TTC19: variants seen among roughly 807,000 people sequenced by gnomAD.
TTC19 encodes the protein tetratricopeptide repeat domain 19.
Under a neutral mutation model 49.5 loss-of-function variants are expected in TTC19, and 38 were observed. The observed-to-expected ratio is 0.77, with a 90% CI of 0.59 to 1.01. The LOEUF (loss-of-function observed/expected upper bound fraction) is 1.01, where lower values mean the gene tolerates loss of function less well. Ranked by LOEUF, TTC19 falls within the 50% of genes least tolerant of loss-of-function variation. The pLI, the probability that TTC19 is intolerant of heterozygous loss-of-function variation, is 0.00. For synonymous variants in TTC19, 204 were observed against 185.2 expected (o/e 1.10, Z -0.83); for missense variants, 475 against 477.7 (o/e 0.99, Z 0.05).
At chr17:16,029,547 G>C (rs1394203603), downstream of TTC19, 7 of 227,970 alleles carry the variant, frequency 3.1e-5, no homozygotes, top group Non-Finnish European at 6.2e-5. Context: ...AAGAGTATTA[G>C]GAAGACCTTA....
At chr17:16,035,164 G>T (rs1315485747) in intron 2 of TTC19, among the ~76,000 whole-genome samples, 2 of 152,212 alleles carry the variant, frequency 1.3e-5, no homozygotes, top group African/African-American at 4.8e-5. Context: ...TTGCCTCCAT[G>T]TTGATGGCTG....
Position 16,038,229 on chromosome 17 carries a change from T to G in TTC19, c.248-6274T>G, listed in dbSNP as rs529314777. ...AGCACAAGAGATATTCTCAAAATAT[T>G]AAGAAAAAGGTTGTAAGATTAAAGC... On this transcript the variant is annotated intron_variant, in intron 2 of 2. Coordinates refer to the TTC19 transcript ENST00000470649. 3.9e-5 allele frequency among the ~76,000 whole-genome samples: 6 copies of G among 152,292 alleles called. No homozygotes were observed. In the South Asian group the frequency reaches 1.0e-3, roughly 26 times the overall value.
At chr17:16,026,798 A>G in intron 9 of TTC19, 96 bp downstream of exon 9, 1 of 1,250,230 alleles carries the variant, frequency 8.0e-7, no homozygotes, top group Non-Finnish European at 1.2e-6. Flanking sequence ...GGCAAGGGCC[A>G]ACGAATAAAC....
chr17:16,027,395 A>T lies in TTC19; in HGVS notation c.1016A>T (p.Glu339Val), dbSNP rs1341699963. ...TTAGAACGATATACACAAGCAAAAG[A>T]GATCTACCAGGAAGCACTGAAGCAA... Reference protein sequence around the residue: ...MHRERYTQAKEIYQEALKQAK... With the variant: ...MHRERYTQAKVIYQEALKQAK... The change falls in exon 10 of 10, where the codon GAG becomes GTG. Residue 339 changes from glutamate to valine, a missense_variant. Coordinates refer to ENST00000261647, the MANE Select transcript of TTC19 (RefSeq NM_017775.4). 6.2e-7 allele frequency: 1 copy of T among 1,614,016 alleles called. No homozygotes were observed. The highest frequency in any genetic ancestry group is 8.5e-7 in the Non-Finnish European group (1 of 1,179,962).
At chr17:16,013,786 T>G (rs1971142217) in intron 7 of TTC19, among the ~76,000 whole-genome samples, 1 of 152,264 alleles carries the variant, frequency 6.6e-6, no homozygotes, top group Non-Finnish European at 1.5e-5. Context: ...AATTATTTTG[T>G]CAAGTTCGTA....
At chr17:16,032,439 T>C, downstream of TTC19, 1 of 1,613,024 alleles carries the variant, frequency 6.2e-7, no homozygotes, top group Non-Finnish European at 8.5e-7. Flanking sequence ...GGAGTACTGC[T>C]GAGCATCCGC....
At chr17:16,003,331 A>G (rs887042344) in intron 4 of TTC19, among the ~76,000 whole-genome samples, 27 of 152,128 alleles carry the variant, frequency 1.8e-4, no homozygotes, top group Admixed American at 1.6e-3. Flanking sequence ...GCTGACTGCA[A>G]CCTCGACCTG....
intron 7 of TTC19, among the ~76,000 whole-genome samples, chr17:16,013,438 T>C (rs1971133598): frequency 6.6e-6 from 1 of 152,226 alleles, no homozygotes; most frequent in Non-Finnish European, 1.5e-5. Flanking sequence ...GAGAGATATT[T>C]TTCAAGCTTT....
intron 2 of TTC19, among the ~76,000 whole-genome samples, chr17:16,036,772 G>A (rs1330684539): frequency 6.6e-6 from 1 of 152,180 alleles, no homozygotes; most frequent in Non-Finnish European, 1.5e-5. Context: ...TTTGGCTTAA[G>A]GGAATGTTGT....
chr17:16,028,844 AAACTTTCT>A lies in TTC19; in HGVS notation c.*1323_*1330del. The A allele has an allele frequency of 2.6e-6, 1 of 377,904 alleles. No individual in the cohort carries two copies. The highest frequency in any genetic ancestry group is 1.9e-5 in the South Asian group (1 of 51,786). The allele number at this position is 377,904 out of a possible 1,614,324, so 23.4% of individuals were successfully genotyped here. A position where few individuals can be genotyped will look rare whatever the true frequency, so the allele number is the denominator to read the frequency against. ...AAAAAAAAAAAAAAAAAAAAAAAAA[AAACTTTCT>A]GAAGAAAATAAAAACACCAGAAACC... On this transcript the variant is annotated 3_prime_UTR_variant, in exon 10 of 10. Coordinates refer to ENST00000261647, the MANE Select transcript of TTC19 (RefSeq NM_017775.4).
At chr17:16,039,851 CGCGATCTTGGCTCACT>C in intron 2 of TTC19, 1 of 532,166 alleles carries the variant, frequency 1.9e-6, no homozygotes, top group East Asian at 3.4e-5. Context: ...AGTGCAGTGG[CGCGATCTTGGCTCACT>C]GCAACCTCCG....
At chr17:16,001,841 G>A in intron 2 of TTC19, 74 bp from the exon 3 acceptor site, 1 of 983,010 alleles carries the variant, frequency 1.0e-6, no homozygotes, top group Non-Finnish European at 1.6e-6. Context: ...ATGTACAGTT[G>A]CATACACTTC....
intron 7 of TTC19, among the ~76,000 whole-genome samples, chr17:16,019,087 C>G (rs1971295289): frequency 6.6e-6 from 1 of 152,154 alleles, no homozygotes; most frequent in Non-Finnish European, 1.5e-5. Context: ...AATCCCAGCA[C>G]TTTGAGAAGC....
At chr17:16,044,755 CT>C (rs2058376562) in exon 3 of TTC19, 2 of 838,346 alleles carry the variant, frequency 2.4e-6, no homozygotes, top group Admixed American at 3.4e-5. Context: ...TTTGGTCCAG[CT>C]TGTTTGCAAT....
chr17:16,044,907 AAAG>A (rs1364855196), exon 3 of TTC19: 2 of 704,166 alleles, frequency 2.8e-6, no homozygotes, highest in East Asian at 2.6e-5. Context: ...GGAAGCAAAC[AAAG>A]AAGAATCTGA....
intron 7 of TTC19, among the ~76,000 whole-genome samples, chr17:16,008,354 TA>T (rs1487865639): frequency 1.3e-5 from 2 of 152,162 alleles, no homozygotes; most frequent in Non-Finnish European, 2.9e-5. Flanking sequence ...CCCAGATTTG[TA>T]AATGGCACAC....
intron 8 of TTC19, among the ~76,000 whole-genome samples, chr17:16,025,682 T>C (rs959586163): frequency 6.6e-6 from 1 of 152,232 alleles, no homozygotes. Context: ...ACACATTGAA[T>C]TGAAATCATC....
intron 7 of TTC19, among the ~76,000 whole-genome samples, chr17:16,019,965 T>TA (rs765337283): frequency 0.13 from 15,151 of 112,276 alleles, 1,819 homozygotes; most frequent in African/African-American, 0.33. Context: ...CATCTCTACT[T>TA]AAAAAAAAAA....
rs1970870575 is a variant in TTC19 at position 16,005,341 on chromosome 17, G to A, written c.581+1079G>A. The stretch of plus-strand genomic sequence containing the variant: ...CCACTTGCCCTGTGTTATGGCTAGA[G>A]AGGGCCCTCTTGCCAAGTTTTGAGC... On this transcript the variant is annotated intron_variant, in intron 6 of 9. Coordinates refer to ENST00000261647, the MANE Select transcript of TTC19 (RefSeq NM_017775.4). Among the ~76,000 whole-genome samples the A allele has an allele frequency of 2.0e-5, 3 of 152,184 alleles. No homozygotes were observed. In the South Asian group the frequency reaches 6.2e-4, roughly 32 times the overall value.
Sources: gnomAD v4.1 joint callset for allele counts (sites outside exome capture counted in the v4.1 genomes callset) on GRCh38, gnomAD v4.1.1 for gene constraint, MANE v1.5 for transcripts, NCBI Gene and HGNC (gene_info 2026-07-23, HGNC 2026-07-21) for gene names.